The following LDB3 variants were observed in gnomAD, a reference collection of about 807,000 sequenced individuals.
LDB3 encodes the protein LIM domain binding 3, also known as LIM domain-binding protein 3.
A neutral mutation model predicts 69.0 loss-of-function variants in LDB3; 49 were observed. The observed-to-expected ratio is 0.71, with a 90% confidence interval of 0.56 to 0.90. The LOEUF (loss-of-function observed/expected upper bound fraction) is 0.90. Among genes scored for constraint, LDB3 ranks in the 40% least tolerant of loss-of-function variants. The pLI is 0.00. For missense variants in LDB3, 928 were observed against 974.1 expected, an observed-to-expected ratio of 0.95 and a Z score of 0.63; for synonymous variants, 387 against 396.2, an observed-to-expected ratio of 0.98 and a Z score of 0.28.
Position 86,681,468 on chromosome 10 carries a change from G to A in LDB3, c.354G>A (p.Val118=). The change falls in exon 5 of 14, where the codon GTG becomes GTA. Residue 118 remains valine (V), a synonymous_variant. Transcript: ENST00000361373. ...DPALDTNGSL[V]APSPSPEARA... is the part of the protein sequence containing the mutation. The stretch of plus-strand genomic sequence containing the variant: ...CTCTGGACACGAACGGCAGCCTGGT[G>A]GCACCCAGCCCCAGCCCTGAGGCGA... 1 of 1,606,682 alleles carries A rather than the reference G, an allele frequency of 6.2e-7. No individual in the cohort carries two copies. Among genetic ancestry groups the A allele is most frequent in the Non-Finnish European group, 8.5e-7 (1 of 1,179,806 alleles).
intron 2 of LDB3, among the ~76,000 whole-genome samples, chr10:86,676,669 C>T (rs2803567): frequency 0.74 from 112,431 of 151,846 alleles, 41,952 homozygotes; most frequent in African/African-American, 0.83. Flanking sequence ...CTGGTCTTGC[C>T]GTCATCACCC....
intron 2 of LDB3, among the ~76,000 whole-genome samples, chr10:86,670,675 A>G (rs528166426): frequency 6.6e-6 from 1 of 152,292 alleles, no homozygotes; most frequent in Admixed American, 6.5e-5. Context: ...GGGGGTATGC[A>G]GGGATGTGCT....
intron 9 of LDB3, among the ~76,000 whole-genome samples, chr10:86,714,009 A>G (rs544218947): frequency 1.3e-5 from 2 of 152,216 alleles, no homozygotes; most frequent in Admixed American, 6.5e-5. Context: ...CTGACAGTAC[A>G]TCTGACCCTG....
At chr10:86,702,331 CA>C (rs1846291482) in intron 7 of LDB3, among the ~76,000 whole-genome samples, 1 of 152,162 alleles carries the variant, frequency 6.6e-6, no homozygotes, top group Admixed American at 6.5e-5. Flanking sequence ...TCACCACCAC[CA>C]TTCCCATCCT....
At chr10:86,704,468 T>C (rs1172755223) in intron 7 of LDB3, among the ~76,000 whole-genome samples, 3 of 151,844 alleles carry the variant, frequency 2.0e-5, no homozygotes, top group Admixed American at 2.0e-4. Flanking sequence ...CAGGCTGGAG[T>C]GCAATGGCAT....
chr10:86,716,352 C>G lies in LDB3; in HGVS notation c.1257C>G (p.Ser419=). 1 of 1,611,188 alleles carries G rather than the reference C, an allele frequency of 6.2e-7. No individual in the cohort carries two copies. The change falls in exon 10 of 14, where the codon TCC becomes TCG. Residue 419 remains serine (S), a synonymous_variant. Coordinates refer to ENST00000361373, the MANE Select transcript of LDB3 (RefSeq NM_007078.3). ...QPVPASTYSP[S]PGANYSPTPY... is the part of the protein sequence containing the mutation. ...TGCCTGCATCTACCTACAGCCCGTC[C>G]CCAGGGGCCAATTACAGTCCCACTC... is the stretch of plus-strand genomic sequence containing the variant.
At position 86,681,441 on chromosome 10, in the gene LDB3, C is replaced by T. The variant is rs746481307; in HGVS notation, c.327C>T (p.Pro109=). 4 of 1,602,330 alleles carry T rather than the reference C, an allele frequency of 2.5e-6. No individual in the cohort carries two copies. Among genetic ancestry groups the T allele is most frequent in the East Asian group, 2.2e-5 (1 of 44,870 alleles). ...PLPVIPHQKD[P]ALDTNGSLVA... is the part of the protein sequence containing the mutation. ...CATGGCCTGCCCTGTGCCAGGACCC[C>T]GCTCTGGACACGAACGGCAGCCTGG... The change falls in exon 5 of 14, where the codon CCC becomes CCT. Residue 109 remains proline (P), a synonymous_variant. Transcript: ENST00000361373.
chr10:86,679,338 C>G (rs934073001), intron 2 of LDB3, 29 bp from the exon 3 acceptor site: 4 of 1,613,892 alleles, frequency 2.5e-6, no homozygotes, highest in Admixed American at 3.3e-5. Flanking sequence ...CTTCCTTATG[C>G]TCACCCCCCA....
chr10:86,682,648 G>A (rs1845227767), intron 5 of LDB3, among the ~76,000 whole-genome samples: 1 of 152,216 alleles, frequency 6.6e-6, no homozygotes. Flanking sequence ...GCTGAGTCAA[G>A]GCAGTAGAGC....
intron 13 of LDB3, among the ~76,000 whole-genome samples, chr10:86,730,058 C>T (rs1450541784): frequency 1.3e-5 from 2 of 152,100 alleles, no homozygotes; most frequent in Admixed American, 6.5e-5. Context: ...ACTGCATCCA[C>T]CTGGGATGTT....
At chr10:86,708,023 A>G (rs1020169663) in intron 8 of LDB3, among the ~76,000 whole-genome samples, 2 of 152,232 alleles carry the variant, frequency 1.3e-5, no homozygotes, top group African/African-American at 2.4e-5. Flanking sequence ...GGGGCTATAA[A>G]TGCTGGAGCC....
At chr10:86,709,777 T>A (rs1015194206) in intron 8 of LDB3, 128 bp from the exon 9 acceptor site, 49 of 1,008,400 alleles carry the variant, frequency 4.9e-5, no homozygotes, top group Non-Finnish European at 6.7e-5. Flanking sequence ...TTTCTGGCAG[T>A]TCCCCAGAAA....
chr10:86,673,406 T>A (rs1381629410), intron 2 of LDB3, among the ~76,000 whole-genome samples: 1 of 152,082 alleles, frequency 6.6e-6, no homozygotes, highest in Non-Finnish European at 1.5e-5. Flanking sequence ...GGGGGCAGGA[T>A]GTGTGGGTCA....
At chr10:86,689,552 G>A (rs1469477580) in intron 5 of LDB3, among the ~76,000 whole-genome samples, 2 of 152,216 alleles carry the variant, frequency 1.3e-5, no homozygotes, top group Non-Finnish European at 2.9e-5. Context: ...GCATACCTGT[G>A]TTCTTCTTGC....
rs142171739 is a variant in LDB3 at position 86,728,581 on chromosome 10, C to CTTTTGTTTTTTT, written c.2094+2334_2094+2345dup. Reference sequence around the variant, plus strand: ...ACATATAGCAAAGTGGAACATGGTTCTTTTGTTTTTTTTTTTTTTTGAGAC... The same window carrying CTTTTGTTTTTTT: ...ACATATAGCAAAGTGGAACATGGTTCTTTTGTTTTTTTTTTTGTTTTTTTTTTTTTTTGAGAC... On this transcript the variant is annotated intron_variant, in intron 13 of 13. Coordinates refer to ENST00000361373, the MANE Select transcript of LDB3 (RefSeq NM_007078.3). 8.9e-3 allele frequency among the ~76,000 whole-genome samples: 866 copies of CTTTTGTTTTTTT among 97,554 alleles called. 23 individuals are homozygous for CTTTTGTTTTTTT. Among genetic ancestry groups the CTTTTGTTTTTTT allele is most frequent in the African/African-American group, 0.028 (766 of 27,762 alleles). The allele number at this position is 97,554 out of a possible 152,430, so 64.0% of individuals were successfully genotyped here.
chr10:86,691,803 TA>T, intron 5 of LDB3, 92 bp from the exon 6 acceptor site: 1 of 1,415,686 alleles, frequency 7.1e-7, no homozygotes. Flanking sequence ...GACAGAACGA[TA>T]GGGGCCACCA....
intron 5 of LDB3, among the ~76,000 whole-genome samples, chr10:86,683,025 CATATATGCCCCCAGGG>C (rs1845252115): frequency 6.6e-6 from 1 of 152,024 alleles, no homozygotes; most frequent in African/African-American, 2.4e-5. Context: ...GTGACAGAGC[CATATATGCCCCCAGGG>C]TTCCCCAGCA....
Position 86,699,746 on chromosome 10 carries a change from T to G in LDB3, c.897-6785T>G. 2.7e-6 allele frequency: 3 copies of G among 1,114,720 alleles called. No individual in the cohort carries two copies. The highest frequency in any genetic ancestry group is 3.3e-6 in the Non-Finnish European group (3 of 904,888). 69.1% of individuals were successfully genotyped at this position (1,114,720 alleles called of 1,614,324 possible). On this transcript the variant is annotated intron_variant, in intron 7 of 13. Coordinates refer to ENST00000361373, the MANE Select transcript of LDB3 (RefSeq NM_007078.3). The surrounding 1 kb of genome is among the most constrained non-coding windows in gnomAD (Gnocchi z 4.9). ...TGGGCCGCTGCTCAGTTTCCCACCATCCTCAGCTCCTGGCCTCATCCCCTC... is the reference window on the plus strand; with the variant it reads ...TGGGCCGCTGCTCAGTTTCCCACCAGCCTCAGCTCCTGGCCTCATCCCCTC...
rs907008615 is a variant in LDB3 at position 86,733,869 on chromosome 10, T to A, written c.*893T>A. ...TAGCATGAGTGTCCAGTCGTGTGCATGAATTTCACCCCAACTTGTGACTGC... is the reference window on the plus strand; with the variant it reads ...TAGCATGAGTGTCCAGTCGTGTGCAAGAATTTCACCCCAACTTGTGACTGC... On this transcript the variant is annotated 3_prime_UTR_variant, in exon 14 of 14. Transcript: ENST00000361373. 6 of 152,230 alleles carry A rather than the reference T, an allele frequency of 3.9e-5. No individual in the cohort carries two copies. Among genetic ancestry groups the A allele is most frequent in the African/African-American group, 1.4e-4 (6 of 41,448 alleles). The allele number at this position is 152,230 out of a possible 1,614,324, so 9.4% of individuals were successfully genotyped here.
Sources: allele counts gnomAD v4.1 joint callset (sites outside exome capture counted in the v4.1 genomes callset), GRCh38; gene constraint gnomAD v4.1.1; non-coding constraint Gnocchi (gnomAD v3.1); transcripts MANE v1.5; gene names NCBI Gene and HGNC (gene_info 2026-07-23, HGNC 2026-07-21).